DHRSX: variants seen among roughly 807,000 people sequenced by gnomAD.
DHRSX encodes the protein polyprenol dehydrogenase.
In DHRSX, 31 loss-of-function variants were observed where a neutral mutation model predicts 34.0. The ratio of observed to expected loss-of-function variants is 0.91; its 90% CI spans 0.69 to 1.23. The LOEUF (loss-of-function observed/expected upper bound fraction) is 1.23. Ranked by LOEUF, DHRSX falls within the 50% of genes most tolerant of loss-of-function variation. The pLI is 0.00. For synonymous variants in DHRSX, 201 were observed against 183.8 expected (o/e 1.09, Z -0.76); for missense variants, 414 against 428.1 (o/e 0.97, Z 0.29).
chrX:2,367,168 A>G (rs1041670896), intron 3 of DHRSX, among the ~76,000 whole-genome samples: 2 of 152,078 alleles, frequency 1.3e-5, no homozygotes, highest in Non-Finnish European at 2.9e-5. Context: ...AGCCGGGCGC[A>G]GTGGCTCACA....
At chrX:2,226,066 C>T (rs1332784616) in intron 6 of DHRSX, among the ~76,000 whole-genome samples, 1 of 152,112 alleles carries the variant, frequency 6.6e-6, no homozygotes, top group Non-Finnish European at 1.5e-5. Flanking sequence ...TTCCAGCCTC[C>T]AGGACGGTGG....
chrX:2,455,778 CA>C (rs1269924784), intron 1 of DHRSX, among the ~76,000 whole-genome samples: 6 of 147,990 alleles, frequency 4.1e-5, no homozygotes, highest in African/African-American at 1.5e-4. Context: ...AAAGCACACA[CA>C]AAACACTGCA....
At chrX:2,490,213 A>T (rs769232103) in intron 1 of DHRSX, 1 of 1,613,754 alleles carries the variant, frequency 6.2e-7, no homozygotes, top group South Asian at 1.1e-5. Context: ...TGGCCTTGGT[A>T]GAGATGTACT....
rs530390938 is a variant in DHRSX, at chrX:2,407,240, G to A, written c.286+1505C>T. 2.5e-4 allele frequency among the ~76,000 whole-genome samples: 38 copies of A among 152,294 alleles called. 1 individual carries two copies. The highest frequency in any genetic ancestry group is 3.4e-4 in the Non-Finnish European group (23 of 68,036). On this transcript the variant is annotated intron_variant, in intron 3 of 6. Coordinates refer to ENST00000334651, the MANE Select transcript of DHRSX (RefSeq NM_145177.3). Reference sequence around the variant, plus strand: ...GACTCGCAGACTTTGGCTGAGCGACGGATGAACAAATGCACTCAGACACAG... The same window carrying A: ...GACTCGCAGACTTTGGCTGAGCGACAGATGAACAAATGCACTCAGACACAG...
At chrX:2,227,246 CTT>C (rs1339508659) in intron 6 of DHRSX, among the ~76,000 whole-genome samples, 2 of 151,568 alleles carry the variant, frequency 1.3e-5, no homozygotes, top group African/African-American at 2.4e-5. Context: ...GTCAAAGCAC[CTT>C]TGTTTTGGGT....
At chrX:2,253,445 G>A (rs1180650193) in intron 5 of DHRSX, among the ~76,000 whole-genome samples, 34 of 151,226 alleles carry the variant, frequency 2.2e-4, no homozygotes, top group African/African-American at 5.6e-4. Flanking sequence ...TGTCGCGGCC[G>A]CACTGCAGCC....
At chrX:2,359,563 C>A (rs760398667) in intron 3 of DHRSX, among the ~76,000 whole-genome samples, 3 of 151,862 alleles carry the variant, frequency 2.0e-5, no homozygotes, top group South Asian at 4.2e-4. Flanking sequence ...ACCTGTAATC[C>A]CAGCTACTTG....
At position 2,304,171 on chromosome X, in the gene DHRSX, T is replaced by TGATG. The variant is rs1183236164; in HGVS notation, c.287-12572_287-12569dup. On this transcript the variant is annotated intron_variant, in intron 3 of 6. Coordinates refer to ENST00000334651, the MANE Select transcript of DHRSX (RefSeq NM_145177.3). ...TGGATGGATGGATGGATGGATGAAC[T>TGATG]GATGGATGGATGGATGGATGGATGG... Among the ~76,000 whole-genome samples the TGATG allele has an allele frequency of 1.6e-3, 117 of 72,792 alleles. 1 individual carries two copies. The South Asian group carries it at 0.026, about 16-fold the overall frequency. 47.8% of individuals were successfully genotyped at this position (72,792 alleles called of 152,430 possible). A position where few individuals can be genotyped will look rare whatever the true frequency, so the allele number is the denominator to read the frequency against.
At chrX:2,487,047 C>G (rs1486461480) in intron 1 of DHRSX, 3 of 152,176 alleles carry the variant, frequency 2.0e-5, no homozygotes, top group African/African-American at 7.2e-5. Context: ...ACCCGCTGCA[C>G]GTAGAATCCA....
At chrX:2,422,400 T>A (rs1180197119) in intron 2 of DHRSX, among the ~76,000 whole-genome samples, 1 of 151,342 alleles carries the variant, frequency 6.6e-6, no homozygotes, top group Non-Finnish European at 1.5e-5. Context: ...GCAGCTGGGA[T>A]TACAGGCATA....
chrX:2,465,254 C>T (rs1272920457), intron 1 of DHRSX, among the ~76,000 whole-genome samples: 1 of 152,138 alleles, frequency 6.6e-6, no homozygotes, highest in Admixed American at 6.6e-5. Flanking sequence ...CTCTTCAGGG[C>T]GCCTCCATGA....
chrX:2,260,394 C>T (rs1317309084), intron 5 of DHRSX, among the ~76,000 whole-genome samples: 1 of 152,038 alleles, frequency 6.6e-6, no homozygotes, highest in Non-Finnish European at 1.5e-5. Context: ...TCACTCCAGT[C>T]TCCACCTCCA....
chrX:2,392,982 CAA>C (rs2043353781), intron 3 of DHRSX, among the ~76,000 whole-genome samples: 1 of 142,572 alleles, frequency 7.0e-6, no homozygotes, highest in African/African-American at 2.5e-5. Flanking sequence ...ATATATGTTA[CAA>C]AATATATATA....
chrX:2,479,692 G>T lies in DHRSX; in HGVS notation c.109+21125C>A, dbSNP rs759705227. Among the ~76,000 whole-genome samples, 3 of 152,206 alleles carry T rather than the reference G, an allele frequency of 2.0e-5. No individual in the cohort carries two copies. The South Asian group carries it at 6.2e-4, about 32-fold the overall frequency. On this transcript the variant is annotated intron_variant, in intron 1 of 6. Transcript: ENST00000334651. ...AAGGGACTGCCGCCATGTACACACT[G>T]AAGACATTCCCTAAGAATGTGGCCA...
intron 6 of DHRSX, among the ~76,000 whole-genome samples, chrX:2,225,420 TCA>T (rs1221134012): frequency 2.0e-4 from 30 of 152,186 alleles, no homozygotes; most frequent in Admixed American, 1.8e-3. Flanking sequence ...ATTCACATAC[TCA>T]TTCACATGCA....
At chrX:2,323,467 T>C (rs1320652636) in intron 3 of DHRSX, among the ~76,000 whole-genome samples, 1 of 151,916 alleles carries the variant, frequency 6.6e-6, no homozygotes, top group East Asian at 1.9e-4. Flanking sequence ...AACCCCAGAA[T>C]AGATATGTTT....
intron 6 of DHRSX, among the ~76,000 whole-genome samples, chrX:2,233,008 G>C (rs2015931880): frequency 6.6e-6 from 1 of 152,146 alleles, no homozygotes; most frequent in Non-Finnish European, 1.5e-5. Context: ...ACCTGTTTCT[G>C]TACAGGCTAC....
At chrX:2,354,019 C>A (rs766887908) in intron 3 of DHRSX, among the ~76,000 whole-genome samples, 55 of 152,256 alleles carry the variant, frequency 3.6e-4, no homozygotes, top group Non-Finnish European at 6.3e-4. Flanking sequence ...GACTTTTCTA[C>A]ATGACTCCAG....
At chrX:2,298,261 G>C (rs1434265092) in intron 3 of DHRSX, among the ~76,000 whole-genome samples, 1 of 150,898 alleles carries the variant, frequency 6.6e-6, no homozygotes, top group African/African-American at 2.4e-5. Context: ...TTAAAGTCTT[G>C]TCCTCCAGAC....
Sources: allele counts gnomAD v4.1 joint callset (sites outside exome capture counted in the v4.1 genomes callset), GRCh38; gene constraint gnomAD v4.1.1; transcripts MANE v1.5; gene names NCBI Gene and HGNC (gene_info 2026-07-23, HGNC 2026-07-21).